Variants in ZFYVE28 observed in about 807,000 individuals in gnomAD.
The protein encoded by ZFYVE28 is lateral signaling target protein 2 homolog.
ZFYVE28 carries 40 observed loss-of-function variants against 82.1 expected under a neutral mutation model. That is an observed-to-expected ratio of 0.49 (90% CI 0.38 to 0.63). The LOEUF (loss-of-function observed/expected upper bound fraction) is 0.63, where lower values mean the gene tolerates loss of function less well. ZFYVE28 is among the 30% of genes least tolerant of loss of function. ZFYVE28 has a pLI of 0.00. For missense variants in ZFYVE28, 1,321 were observed against 1,242.1 expected (o/e 1.06, Z -0.96); for synonymous variants, 612 against 546.1 (o/e 1.12, Z -1.68).
At position 2,320,085 on chromosome 4, in the gene ZFYVE28, G is replaced by A. The variant is rs1718846113; in HGVS notation, c.803+85C>T. The A allele has an allele frequency of 1.6e-6, 2 of 1,281,726 alleles. No homozygotes were observed. Among genetic ancestry groups the A allele is most frequent in the Non-Finnish European group, 2.2e-6 (2 of 895,012 alleles). The allele number at this position is 1,281,726 out of a possible 1,614,324, so 79.4% of individuals were successfully genotyped here. ...CTCACAGAGAGGAGGAGGACCTGGA[G>A]GCGGCGGCTAAACATGACTTCAGCG... is the stretch of plus-strand genomic sequence containing the variant. On this transcript the variant is annotated intron_variant, in intron 7 of 12. Transcript: ENST00000290974. The surrounding 1 kb of genome is among the most constrained non-coding windows in gnomAD (Gnocchi z 5.1).
At position 2,341,644 on chromosome 4, in the gene ZFYVE28, C is replaced by G. The variant is rs1217539973; in HGVS notation, c.181-29G>C. 4 of 1,593,584 alleles carry G rather than the reference C, an allele frequency of 2.5e-6. No homozygotes were observed. Among genetic ancestry groups the G allele is most frequent in the Non-Finnish European group, 3.4e-6 (4 of 1,163,734 alleles). On this transcript the variant is annotated intron_variant, in intron 2 of 12. Coordinates refer to ENST00000290974, the MANE Select transcript of ZFYVE28 (RefSeq NM_020972.3). The surrounding 1 kb of genome is among the most constrained non-coding windows in gnomAD (Gnocchi z 4.5). ...AAACAGAAGACAGGAGAAAGTGCGC[C>G]AATCGCTGTGTCCAGCTGGCGGCCG...
At chr4:2,393,228 C>T (rs867344108) in intron 1 of ZFYVE28, among the ~76,000 whole-genome samples, 9 of 152,226 alleles carry the variant, frequency 5.9e-5, no homozygotes, top group Non-Finnish European at 1.2e-4. Context: ...CATAAAAGAT[C>T]ACTCCATTCA....
chr4:2,319,925 G>C (rs1160620400), intron 7 of ZFYVE28, among the ~76,000 whole-genome samples: 2 of 152,150 alleles, frequency 1.3e-5, no homozygotes, highest in African/African-American at 2.4e-5. Flanking sequence ...GGAAGTGTGA[G>C]GTTCACTCCC....
At chr4:2,293,987 T>C (rs1354076687) in intron 8 of ZFYVE28, among the ~76,000 whole-genome samples, 2 of 152,112 alleles carry the variant, frequency 1.3e-5, no homozygotes, top group African/African-American at 4.8e-5. Context: ...ATATACTATG[T>C]TTATGAACCA....
intron 1 of ZFYVE28, chr4:2,364,454 T>C: frequency 1.0e-6 from 1 of 985,444 alleles, no homozygotes; most frequent in Non-Finnish European, 1.2e-6. Flanking sequence ...GCTGGCAGCT[T>C]TACGTTCAAT....
intron 1 of ZFYVE28, among the ~76,000 whole-genome samples, chr4:2,402,428 C>G (rs1731296855): frequency 6.6e-6 from 1 of 152,204 alleles, no homozygotes; most frequent in African/African-American, 2.4e-5. Context: ...GGCTATGGTC[C>G]CCAGAAGTCC....
Position 2,362,643 on chromosome 4 carries a change from G to A in ZFYVE28, c.40-8570C>T, listed in dbSNP as rs1479924164. Among the ~76,000 whole-genome samples, 1 of 152,124 alleles carries A rather than the reference G, an allele frequency of 6.6e-6. No homozygotes were observed. Among genetic ancestry groups the A allele is most frequent in the African/African-American group, 2.4e-5 (1 of 41,422 alleles). On this transcript the variant is annotated intron_variant, in intron 1 of 12. Coordinates refer to ENST00000290974, the MANE Select transcript of ZFYVE28 (RefSeq NM_020972.3). This position sits in a 1 kb window ranked among gnomAD's most constrained non-coding sequence, Gnocchi z 5.1. ...GCCAGGCTGGGGGCCCACTGACCTG[G>A]CAGCACCACCAGCCACCGGCAGCAG...
At chr4:2,319,259 T>TC (rs1416580862) in intron 7 of ZFYVE28, among the ~76,000 whole-genome samples, 1 of 151,540 alleles carries the variant, frequency 6.6e-6, no homozygotes, top group Non-Finnish European at 1.5e-5. Flanking sequence ...AGGGCTCACA[T>TC]CCCCCCAAGC....
At chr4:2,390,454 G>C (rs770627427) in intron 1 of ZFYVE28, among the ~76,000 whole-genome samples, 26 of 152,220 alleles carry the variant, frequency 1.7e-4, no homozygotes, top group Non-Finnish European at 3.4e-4. Context: ...AAGCAACTGT[G>C]CCTCAGCTGG....
At chr4:2,305,973 G>T (rs1005252195) in intron 7 of ZFYVE28, among the ~76,000 whole-genome samples, 1 of 152,256 alleles carries the variant, frequency 6.6e-6, no homozygotes, top group African/African-American at 2.4e-5. Flanking sequence ...ACACGAGGAA[G>T]AAGGCAGGCA....
intron 2 of ZFYVE28, among the ~76,000 whole-genome samples, chr4:2,348,572 A>T (rs1456257304): frequency 6.6e-6 from 1 of 152,260 alleles, no homozygotes; most frequent in Non-Finnish European, 1.5e-5. Flanking sequence ...AGGATAATGT[A>T]CCATGAACGA....
At chr4:2,387,011 C>T (rs1484785670) in intron 1 of ZFYVE28, among the ~76,000 whole-genome samples, 1 of 152,116 alleles carries the variant, frequency 6.6e-6, no homozygotes, top group Non-Finnish European at 1.5e-5. Flanking sequence ...TGGAGATCTC[C>T]GGACACAGCC....
In ZFYVE28 at chr4:2,339,311, C is replaced by T; in HGVS notation, c.521+142G>A. On this transcript the variant is annotated intron_variant, in intron 4 of 12. Coordinates refer to ENST00000290974, the MANE Select transcript of ZFYVE28 (RefSeq NM_020972.3). The surrounding 1 kb of genome is among the most constrained non-coding windows in gnomAD (Gnocchi z 5.0). ...CACGCTATGCTCTCCAGGGCTTAACCCCACCCACAGGCGGCCCTGAACCTG... is the reference window on the plus strand; with the variant it reads ...CACGCTATGCTCTCCAGGGCTTAACTCCACCCACAGGCGGCCCTGAACCTG... The T allele has an allele frequency of 5.5e-6, 5 of 906,232 alleles. No individual in the cohort carries two copies. The highest frequency in any genetic ancestry group is 8.4e-6 in the Non-Finnish European group (5 of 592,224). The allele number at this position is 906,232 out of a possible 1,614,324, so 56.1% of individuals were successfully genotyped here.
At chr4:2,293,562 G>C (rs1714066695) in intron 8 of ZFYVE28, among the ~76,000 whole-genome samples, 1 of 151,960 alleles carries the variant, frequency 6.6e-6, no homozygotes, top group Admixed American at 6.6e-5. Context: ...GACCATCCTG[G>C]CTAACACGGT....
intron 10 of ZFYVE28, 61 bp from the exon 11 acceptor site, chr4:2,271,840 A>AC: frequency 1.4e-5 from 21 of 1,462,276 alleles, no homozygotes; most frequent in Non-Finnish European, 1.8e-5. Flanking sequence ...ATGCAGGGTC[A>AC]CCTGCACTTG....
At chr4:2,343,131 A>T (rs1036606772) in intron 2 of ZFYVE28, 1 of 152,126 alleles carries the variant, frequency 6.6e-6, no homozygotes, top group African/African-American at 2.4e-5. Flanking sequence ...CTCCACCTCC[A>T]CGCAATGCTG....
intron 1 of ZFYVE28, among the ~76,000 whole-genome samples, chr4:2,386,468 C>T (rs887320222): frequency 6.6e-6 from 1 of 152,030 alleles, no homozygotes; most frequent in Non-Finnish European, 1.5e-5. Flanking sequence ...CTGGGCAACA[C>T]AGGGAGACTC....
intron 6 of ZFYVE28, among the ~76,000 whole-genome samples, chr4:2,329,465 A>G (rs1192790451): frequency 2.6e-5 from 4 of 152,248 alleles, no homozygotes; most frequent in Non-Finnish European, 4.4e-5. Context: ...GACACATGCT[A>G]CAACATGGGG....
intron 8 of ZFYVE28, among the ~76,000 whole-genome samples, chr4:2,288,064 G>A (rs1222468608): frequency 1.3e-5 from 2 of 152,226 alleles, no homozygotes; most frequent in Middle Eastern, 3.4e-3. Context: ...AGTGGGCCTC[G>A]GAAGGCAGAA....
Sources: allele counts gnomAD v4.1 joint callset (sites outside exome capture counted in the v4.1 genomes callset), GRCh38; gene constraint gnomAD v4.1.1; non-coding constraint Gnocchi (gnomAD v3.1); transcripts MANE v1.5; gene names NCBI Gene and HGNC (gene_info 2026-07-23, HGNC 2026-07-21).